XRCC5: variants seen among roughly 807,000 people sequenced by gnomAD.
XRCC5 encodes DNA repair protein Ku80.
XRCC5 carries 12 observed loss-of-function variants against 95.7 expected under a neutral mutation model. The ratio of observed to expected loss-of-function variants is 0.13; its 90% confidence interval spans 0.08 to 0.20. The LOEUF (loss-of-function observed/expected upper bound fraction) is 0.20, where lower values mean the gene tolerates loss of function less well. Among genes scored for constraint, XRCC5 ranks in the 10% least tolerant of loss-of-function variants. The pLI is 1.00. For synonymous variants in XRCC5, 281 were observed against 290.3 expected (o/e 0.97, Z 0.33); for missense variants, 595 against 873.9 (o/e 0.68, Z 4.02).
intron 17 of XRCC5, 45 bp downstream of exon 17, chr2:216,190,379 C>T: frequency 1.3e-6 from 2 of 1,548,032 alleles, no homozygotes; most frequent in Admixed American, 1.7e-5. Flanking sequence ...CAGTTGGCGA[C>T]TATCACAGGG....
rs41296910 is a variant in XRCC5 at position 216,111,321 on chromosome 2, A to C, written c.22-1695A>C. ...AGGATTGCTTAAGCCAAGGAGTTTG[A>C]GACCAGCCTGGGCAACACAGTGAGA... is the stretch of plus-strand genomic sequence containing the variant. On this transcript the variant is annotated intron_variant, in intron 1 of 20. Coordinates refer to ENST00000392132, the MANE Select transcript of XRCC5 (RefSeq NM_021141.4). 2,313 of 416,020 alleles carry C rather than the reference A, an allele frequency of 5.6e-3. 41 individuals are homozygous for C. The highest frequency in any genetic ancestry group is 0.043 in the African/African-American group (2,091 of 48,580). The allele number at this position is 416,020 out of a possible 1,614,324, so 25.8% of individuals were successfully genotyped here.
intron 14 of XRCC5, among the ~76,000 whole-genome samples, chr2:216,152,585 G>A (rs544877774): frequency 6.6e-5 from 10 of 151,340 alleles, no homozygotes; most frequent in African/African-American, 2.4e-4. Flanking sequence ...AGTGAAATAG[G>A]GTATTTATTT....
intron 16 of XRCC5, among the ~76,000 whole-genome samples, chr2:216,189,361 C>T (rs1271413929): frequency 6.6e-6 from 1 of 152,256 alleles, no homozygotes; most frequent in Non-Finnish European, 1.5e-5. Context: ...TGATTACCCA[C>T]ATCTCCCTGA....
chr2:216,141,563 TTTTCC>T (rs1474886235), intron 13 of XRCC5, among the ~76,000 whole-genome samples: 4 of 57,680 alleles, frequency 6.9e-5, no homozygotes, highest in Admixed American at 3.1e-4. Flanking sequence ...TTTTTTTTTT[TTTTCC>T]TGGAAGAAGC....
At chr2:216,160,223 T>C (rs1309542275) in intron 15 of XRCC5, 62 bp downstream of exon 15, 2 of 1,151,340 alleles carry the variant, frequency 1.7e-6, no homozygotes, top group East Asian at 2.6e-5. Context: ...TGAGGGAGAG[T>C]GCATCAATTT....
In XRCC5 at chr2:216,205,401, C is replaced by G. The variant is rs1689925693; in HGVS notation, c.*199C>G. On this transcript the variant is annotated 3_prime_UTR_variant, in exon 21 of 21. Transcript: ENST00000392132. ...TACAAGGGATAATTTAGACCCCATA[C>G]AAGTTTATAAAGAGTCATTGTTATT... The G allele has an allele frequency of 5.0e-6, 3 of 594,696 alleles. No homozygotes were observed. The highest frequency in any genetic ancestry group is 3.1e-5 in the Admixed American group (1 of 31,940). 36.8% of individuals were successfully genotyped at this position (594,696 alleles called of 1,614,324 possible). A position where few individuals can be genotyped will look rare whatever the true frequency, so the allele number is the denominator to read the frequency against.
intron 16 of XRCC5, among the ~76,000 whole-genome samples, chr2:216,176,834 T>G (rs1350633345): frequency 6.6e-6 from 1 of 152,254 alleles, no homozygotes; most frequent in Non-Finnish European, 1.5e-5. Context: ...ATATAGGCAT[T>G]TAAAGCTATA....
chr2:216,162,398 CT>C (rs1339955110), intron 16 of XRCC5, among the ~76,000 whole-genome samples: 3 of 127,300 alleles, frequency 2.4e-5, no homozygotes, highest in Non-Finnish European at 5.5e-5. Flanking sequence ...TATTTTCTTC[CT>C]TTTTTTTCTT....
intron 10 of XRCC5, among the ~76,000 whole-genome samples, 159 bp from the exon 11 acceptor site, chr2:216,136,929 G>T (rs1018473446): frequency 6.6e-6 from 1 of 152,202 alleles, no homozygotes; most frequent in Non-Finnish European, 1.5e-5. Flanking sequence ...TACAGTAAAT[G>T]TAATCAAAAG....
At chr2:216,195,557 T>C (rs1689703948) in intron 19 of XRCC5, among the ~76,000 whole-genome samples, 1 of 152,028 alleles carries the variant, frequency 6.6e-6, no homozygotes, top group Non-Finnish European at 1.5e-5. Context: ...GTATAGTGAA[T>C]AGAGAAACAC....
At chr2:216,165,772 T>G (rs1689044647) in intron 16 of XRCC5, among the ~76,000 whole-genome samples, 1 of 152,214 alleles carries the variant, frequency 6.6e-6, no homozygotes. Context: ...GTAAGATTGT[T>G]TGACCCTTAG....
At chr2:216,153,543 A>G (rs1688786887) in intron 14 of XRCC5, among the ~76,000 whole-genome samples, 1 of 152,222 alleles carries the variant, frequency 6.6e-6, no homozygotes, top group Non-Finnish European at 1.5e-5. Context: ...TTAATATGTT[A>G]AGTGCTTTAC....
rs908567725 is a variant in XRCC5, at chr2:216,175,016, G to A, written c.1834+12968G>A. The A allele has an allele frequency of 1.7e-5, 5 of 299,988 alleles. No individual in the cohort carries two copies. The Admixed American group carries it at 1.8e-4, about 11-fold the overall frequency. The allele number at this position is 299,988 out of a possible 1,614,324, so 18.6% of individuals were successfully genotyped here. A position where few individuals can be genotyped will look rare whatever the true frequency, so the allele number is the denominator to read the frequency against. The stretch of plus-strand genomic sequence containing the variant: ...CCTTTAATGGGTTCATAATTTGATT[G>A]TTTTTGTCTGCTAAAATTTCCAGAA... On this transcript the variant is annotated intron_variant, in intron 16 of 20. Coordinates refer to ENST00000392132, the MANE Select transcript of XRCC5 (RefSeq NM_021141.4).
intron 16 of XRCC5, among the ~76,000 whole-genome samples, chr2:216,164,073 C>T (rs1438227615): frequency 6.6e-6 from 1 of 152,184 alleles, no homozygotes; most frequent in Non-Finnish European, 1.5e-5. Context: ...GATCAAGACA[C>T]TTTCACAGTA....
At chr2:216,117,823 GA>G in intron 4 of XRCC5, 29 bp downstream of exon 4, 1 of 1,613,576 alleles carries the variant, frequency 6.2e-7, no homozygotes, top group Non-Finnish European at 8.5e-7. Context: ...AGAGCTGGAA[GA>G]GAATCTTTTT....
Position 216,141,168 on chromosome 2 carries a change from T to A in XRCC5, c.1343-18T>A. The stretch of plus-strand genomic sequence containing the variant: ...AATAATGGAAATAATCATTTTTCTT[T>A]CGGCTTCTCTGTTTAAGAGGCACAG... On this transcript the variant is annotated intron_variant, in intron 12 of 20. Transcript: ENST00000392132. The A allele has an allele frequency of 6.2e-7, 1 of 1,609,474 alleles. No homozygotes were observed. The highest frequency in any genetic ancestry group is 8.5e-7 in the Non-Finnish European group (1 of 1,178,724).
intron 5 of XRCC5, 39 bp from the exon 6 acceptor site, chr2:216,122,023 A>G: frequency 1.3e-6 from 2 of 1,519,432 alleles, no homozygotes; most frequent in Non-Finnish European, 1.8e-6. Context: ...TTACAGTTAC[A>G]GGATTAGAAC....
intron 1 of XRCC5, among the ~76,000 whole-genome samples, chr2:216,110,821 A>G (rs1267688332): frequency 6.6e-6 from 1 of 151,986 alleles, no homozygotes; most frequent in East Asian, 1.9e-4. Flanking sequence ...TTAGGTTATC[A>G]TGCCCCAGGC....
chr2:216,113,454 T>C (rs768561898), intron 2 of XRCC5, among the ~76,000 whole-genome samples: 27 of 152,242 alleles, frequency 1.8e-4, no homozygotes, highest in Non-Finnish European at 3.2e-4. Flanking sequence ...TTACTAACCT[T>C]CTGATGTTGA....
Sources: allele counts gnomAD v4.1 joint callset (sites outside exome capture counted in the v4.1 genomes callset), GRCh38; gene constraint gnomAD v4.1.1; transcripts MANE v1.5; gene names NCBI Gene and HGNC (gene_info 2026-07-23, HGNC 2026-07-21).